The following ZDHHC15 variants were observed in gnomAD, a reference collection of about 807,000 sequenced individuals.
The protein encoded by ZDHHC15 is zDHHC palmitoyltransferase 15, also known as palmitoyltransferase ZDHHC15.
A neutral mutation model predicts 31.7 loss-of-function variants in ZDHHC15; 19 were observed. The ratio of observed to expected loss-of-function variants is 0.60; its 90% confidence interval spans 0.42 to 0.88. ZDHHC15 has a LOEUF of 0.88. Among genes scored for constraint, ZDHHC15 ranks in the 40% least tolerant of loss-of-function variants. The probability of loss-of-function intolerance (pLI) is 0.00; values close to 1 mark genes in which losing one functional copy is unlikely to be tolerated. For missense variants in ZDHHC15, 209 were observed against 251.2 expected, an observed-to-expected ratio of 0.83 and a Z score of 1.14; for synonymous variants, 103 against 90.0, an observed-to-expected ratio of 1.14 and a Z score of -0.82.
chrX:75,453,537 T>A (rs142894994), intron 3 of ZDHHC15, among the ~76,000 whole-genome samples: 2,011 of 111,625 alleles, frequency 0.018, 56 homozygotes, highest in African/African-American at 0.062. Flanking sequence ...ACTCATTTTA[T>A]GAGGCCAGCA....
chrX:75,492,552 G>A (rs955723870), intron 2 of ZDHHC15, among the ~76,000 whole-genome samples: 3 of 111,596 alleles, frequency 2.7e-5, no homozygotes, highest in Admixed American at 9.6e-5. Context: ...CTCGGCAAAT[G>A]TAAAAGAACA....
At position 75,429,265 on chromosome X, in the gene ZDHHC15, G is replaced by A. The variant is rs2083749486; in HGVS notation, c.483-67C>T. ...ATTGAGAGCACACTGATACATAAGTGAACTAAGCAATGGAATAATGCTAGT... is the reference window on the plus strand; with the variant it reads ...ATTGAGAGCACACTGATACATAAGTAAACTAAGCAATGGAATAATGCTAGT... On this transcript the variant is annotated intron_variant, in intron 6 of 11. Coordinates refer to ENST00000373367, the MANE Select transcript of ZDHHC15 (RefSeq NM_144969.3). 5.4e-6 allele frequency: 6 copies of A among 1,115,146 alleles called. No individual in the cohort carries two copies. The South Asian group carries it at 1.1e-4, about 20-fold the overall frequency. The allele number at this position is 1,115,146 out of a possible 1,213,427, so 91.9% of individuals were successfully genotyped here.
At chrX:75,379,557 T>C (rs2083093844) in intron 10 of ZDHHC15, among the ~76,000 whole-genome samples, 1 of 112,096 alleles carries the variant, frequency 8.9e-6, no homozygotes, top group African/African-American at 3.2e-5. Context: ...CGGACATAAT[T>C]GAGTTAGCTA....
chrX:75,383,388 T>A (rs1196412653), intron 10 of ZDHHC15, among the ~76,000 whole-genome samples: 3 of 111,831 alleles, frequency 2.7e-5, no homozygotes, highest in African/African-American at 9.8e-5. Context: ...TCCCATCTAG[T>A]CCCCAAATTC....
At chrX:75,487,941 G>A (rs2084804609) in intron 2 of ZDHHC15, among the ~76,000 whole-genome samples, 1 of 112,194 alleles carries the variant, frequency 8.9e-6, no homozygotes, top group Non-Finnish European at 1.9e-5. Flanking sequence ...AGAGCTCGAA[G>A]AGAAGGCTTT....
rs1457641844 is a variant in ZDHHC15, at chrX:75,368,901, A to T, written c.*4077T>A. 5.9e-4 allele frequency: 66 copies of T among 111,847 alleles called. No individual in the cohort carries two copies. In the Admixed American group the frequency reaches 6.3e-3, roughly 11 times the overall value. The allele number at this position is 111,847 out of a possible 1,213,427, so 9.2% of individuals were successfully genotyped here. A position where few individuals can be genotyped will look rare whatever the true frequency, so the allele number is the denominator to read the frequency against. On this transcript the variant is annotated 3_prime_UTR_variant, in exon 12 of 12. Coordinates refer to ENST00000373367, the MANE Select transcript of ZDHHC15 (RefSeq NM_144969.3). ...ACCTAACCCTTTTAGGGAAGTAAAC[A>T]GTCATGGGTTGCATGCTACTAGGAG... is the stretch of plus-strand genomic sequence containing the variant.
chrX:75,436,182 T>C (rs2083849555), intron 4 of ZDHHC15, among the ~76,000 whole-genome samples: 1 of 111,980 alleles, frequency 8.9e-6, no homozygotes, highest in African/African-American at 3.2e-5. Flanking sequence ...TTATCGGCTG[T>C]AATATCTCCC....
At chrX:75,407,424 C>T (rs1455295214) in intron 10 of ZDHHC15, among the ~76,000 whole-genome samples, 1 of 108,890 alleles carries the variant, frequency 9.2e-6, no homozygotes, top group Non-Finnish European at 1.9e-5. Context: ...GCCAGCTGCC[C>T]TGCCCAGGAG....
At chrX:75,431,564 A>G in intron 4 of ZDHHC15, 44 bp from the exon 5 acceptor site, 1 of 1,100,554 alleles carries the variant, frequency 9.1e-7, no homozygotes, top group Non-Finnish European at 1.2e-6. Flanking sequence ...TTAGGGCTCA[A>G]TATAAGACCT....
In ZDHHC15 at chrX:75,409,990, AAC is replaced by A. The variant is rs773068530; in HGVS notation, c.967+7095_967+7096del. 8.1e-3 allele frequency among the ~76,000 whole-genome samples: 896 copies of A among 110,619 alleles called. 2 individuals carry two copies. The highest frequency in any genetic ancestry group is 0.013 in the Non-Finnish European group (683 of 52,878). On this transcript the variant is annotated intron_variant, in intron 10 of 11. Transcript: ENST00000373367. The stretch of plus-strand genomic sequence containing the variant: ...TGCCAAGAACATACAATGTAGAAAG[AAC>A]AGTCTCTTCAGCTGACGGTGCTGTG...
At chrX:75,494,813 C>A in intron 2 of ZDHHC15, among the ~76,000 whole-genome samples, 1 of 111,972 alleles carries the variant, frequency 8.9e-6, no homozygotes, top group Non-Finnish European at 1.9e-5. Context: ...AATGTCAGAC[C>A]TAAAACCATA....
intron 3 of ZDHHC15, among the ~76,000 whole-genome samples, chrX:75,453,527 A>T (rs1450902663): frequency 9.0e-6 from 1 of 111,701 alleles, no homozygotes; most frequent in African/African-American, 3.3e-5. Context: ...ATCCTCCCTA[A>T]CTCATTTTAT....
At chrX:75,386,654 T>G (rs1273269990) in intron 10 of ZDHHC15, among the ~76,000 whole-genome samples, 1 of 110,798 alleles carries the variant, frequency 9.0e-6, no homozygotes, top group Non-Finnish European at 1.9e-5. Context: ...TTTTGTAGTT[T>G]TTCATAGAGA....
chrX:75,478,686 T>C (rs760099749), intron 3 of ZDHHC15, among the ~76,000 whole-genome samples: 1 of 111,895 alleles, frequency 8.9e-6, no homozygotes, highest in East Asian at 2.8e-4. Context: ...GTTGGCTTCT[T>C]AGTATTAAAG....
In ZDHHC15 at chrX:75,386,869, G is replaced by A. The variant is rs182374130; in HGVS notation, c.968-7671C>T. ...GCTATGCATAATTATCATGTACCCC[G>A]GGGCTTGATTGTGACCTGGAGCTCT... On this transcript the variant is annotated intron_variant, in intron 10 of 11. Coordinates refer to ENST00000373367, the MANE Select transcript of ZDHHC15 (RefSeq NM_144969.3). 3.6e-4 allele frequency among the ~76,000 whole-genome samples: 40 copies of A among 111,712 alleles called. No homozygotes were observed. The East Asian group carries it at 9.0e-3, about 25-fold the overall frequency.
intron 10 of ZDHHC15, among the ~76,000 whole-genome samples, chrX:75,403,059 C>A: frequency 8.9e-6 from 1 of 112,035 alleles, no homozygotes; most frequent in East Asian, 2.8e-4. Context: ...TAGATTTCAT[C>A]CCCGGAATGC....
chrX:75,454,211 G>T (rs2084176166), intron 3 of ZDHHC15, among the ~76,000 whole-genome samples: 1 of 111,807 alleles, frequency 8.9e-6, no homozygotes, highest in South Asian at 3.7e-4. Context: ...CAAAATCAAT[G>T]TGCAAAATCA....
chrX:75,497,319 G>T (rs1031460564), intron 2 of ZDHHC15, among the ~76,000 whole-genome samples: 1 of 111,380 alleles, frequency 9.0e-6, no homozygotes, highest in African/African-American at 3.3e-5. Context: ...CCAATAACAA[G>T]TAGCAAGATA....
intron 2 of ZDHHC15, among the ~76,000 whole-genome samples, chrX:75,495,509 C>G (rs2084978917): frequency 9.0e-6 from 1 of 110,605 alleles, no homozygotes; most frequent in South Asian, 3.9e-4. Context: ...CTATTCACAA[C>G]AGCAAAGACT....
Sources: gnomAD v4.1 joint callset for allele counts (sites outside exome capture counted in the v4.1 genomes callset) on GRCh38, gnomAD v4.1.1 for gene constraint, MANE v1.5 for transcripts, NCBI Gene and HGNC (gene_info 2026-07-23, HGNC 2026-07-21) for gene names.